The following ZNF536 variants were observed in gnomAD, a reference collection of about 807,000 sequenced individuals.
ZNF536 encodes zinc finger protein 536.
Under a neutral mutation model 84.5 loss-of-function variants are expected in ZNF536, and 13 were observed. The observed-to-expected ratio is 0.15, with a 90% confidence interval of 0.10 to 0.24. ZNF536 has a LOEUF of 0.24. Ranked by LOEUF, ZNF536 falls within the 10% of genes least tolerant of loss-of-function variation. ZNF536 has a pLI of 1.00. For synonymous variants in ZNF536, 811 were observed against 742.5 expected, an observed-to-expected ratio of 1.09 and a Z score of -1.50; for missense variants, 1,536 against 1,747.5, an observed-to-expected ratio of 0.88 and a Z score of 2.16.
At chr19:30,475,073 A>G (rs1978722) in intron 2 of ZNF536, among the ~76,000 whole-genome samples, 42,353 of 151,678 alleles carry the variant, frequency 0.28, 8,340 homozygotes, top group African/African-American at 0.53. Flanking sequence ...TTTTTGCGTT[A>G]TTGTTGTTGT....
chr19:30,566,072 G>C (rs2046336012), intron 1 of ZNF536, among the ~76,000 whole-genome samples: 1 of 152,128 alleles, frequency 6.6e-6, no homozygotes, highest in African/African-American at 2.4e-5. Flanking sequence ...AGCAGTCGTG[G>C]AATAAAGAAA....
At chr19:30,630,942 A>C (rs1162596911) in intron 1 of ZNF536, among the ~76,000 whole-genome samples, 1 of 152,200 alleles carries the variant, frequency 6.6e-6, no homozygotes, top group Non-Finnish European at 1.5e-5. Context: ...AAATCCTAAA[A>C]AATTCAGTGG....
chr19:30,691,136 C>CCCAA (rs1167963301), intron 1 of ZNF536, among the ~76,000 whole-genome samples: 1 of 151,990 alleles, frequency 6.6e-6, no homozygotes, highest in Non-Finnish European at 1.5e-5. Context: ...AACAAAATCT[C>CCCAA]CAAGATCTTT....
intron 1 of ZNF536, among the ~76,000 whole-genome samples, chr19:30,404,780 C>T (rs2050198454): frequency 6.6e-6 from 1 of 152,064 alleles, no homozygotes. Flanking sequence ...AGCTGGGTGT[C>T]CCCAATTCAA....
At chr19:30,517,634 A>G (rs571721885) in intron 2 of ZNF536, among the ~76,000 whole-genome samples, 2 of 152,236 alleles carry the variant, frequency 1.3e-5, no homozygotes, top group Admixed American at 1.3e-4. Flanking sequence ...AAAAATTTAC[A>G]AAATTAGCTG....
chr19:30,415,595 GTCA>G (rs35189422), intron 1 of ZNF536, among the ~76,000 whole-genome samples: 15 of 150,118 alleles, frequency 1.0e-4, no homozygotes, highest in South Asian at 2.1e-4. Flanking sequence ...CATCGTCATC[GTCA>G]TCATCATCAT....
intron 2 of ZNF536, among the ~76,000 whole-genome samples, chr19:30,494,250 G>A (rs2054623966): frequency 6.6e-6 from 1 of 152,166 alleles, no homozygotes; most frequent in African/African-American, 2.4e-5. Flanking sequence ...TAGGCCCCTG[G>A]GATGAGAAGT....
intron 1 of ZNF536, among the ~76,000 whole-genome samples, chr19:30,278,538 A>C (rs999691635): frequency 6.6e-6 from 1 of 152,160 alleles, no homozygotes; most frequent in Non-Finnish European, 1.5e-5. Context: ...CAAGGCCCCA[A>C]GATGTCAGGG....
intron 1 of ZNF536, among the ~76,000 whole-genome samples, chr19:30,281,373 C>T (rs1315637336): frequency 6.6e-6 from 1 of 152,204 alleles, no homozygotes; most frequent in Non-Finnish European, 1.5e-5. Context: ...CACTTCTGTG[C>T]CCCTTCCTGG....
At chr19:30,494,710 C>T (rs1183640013) in intron 2 of ZNF536, among the ~76,000 whole-genome samples, 2 of 152,046 alleles carry the variant, frequency 1.3e-5, no homozygotes, top group East Asian at 3.9e-4. Flanking sequence ...CTTTGGGAGG[C>T]TAAGGTGGGC....
intron 3 of ZNF536, among the ~76,000 whole-genome samples, chr19:30,355,264 G>T (rs2048056038): frequency 6.6e-6 from 1 of 152,096 alleles, no homozygotes; most frequent in South Asian, 2.1e-4. Flanking sequence ...GAGGGAAGGG[G>T]TGGGGGAGGT....
chr19:30,414,647 T>C (rs941610200), intron 1 of ZNF536, among the ~76,000 whole-genome samples: 4 of 152,218 alleles, frequency 2.6e-5, no homozygotes, highest in African/African-American at 9.6e-5. Flanking sequence ...CAGCCCCATG[T>C]CCTTTGCCTT....
chr19:30,289,620 G>T (rs1409435990), intron 2 of ZNF536, among the ~76,000 whole-genome samples: 1 of 152,196 alleles, frequency 6.6e-6, no homozygotes, highest in Non-Finnish European at 1.5e-5. Flanking sequence ...CTGTGTCTAT[G>T]CCTGGATGAT....
intron 3 of ZNF536, among the ~76,000 whole-genome samples, chr19:30,539,243 T>C (rs1249241858): frequency 6.6e-6 from 1 of 152,104 alleles, no homozygotes; most frequent in Non-Finnish European, 1.5e-5. Context: ...GGAGAGCTGA[T>C]GGTGTAAATT....
At chr19:30,418,378 G>T (rs2050820174) in intron 1 of ZNF536, among the ~76,000 whole-genome samples, 1 of 152,128 alleles carries the variant, frequency 6.6e-6, no homozygotes, top group Non-Finnish European at 1.5e-5. Context: ...GGTGCAGCAT[G>T]GATGACAGGA....
intron 1 of ZNF536, among the ~76,000 whole-genome samples, chr19:30,384,240 T>C (rs1346939166): frequency 4.3e-5 from 2 of 46,012 alleles, no homozygotes; most frequent in Non-Finnish European, 7.5e-5. Context: ...CCCTTCCTTC[T>C]TTCCTCCCTC....
At chr19:30,264,682 G>C (rs1243039797) in intron 1 of ZNF536, among the ~76,000 whole-genome samples, 1 of 152,090 alleles carries the variant, frequency 6.6e-6, no homozygotes, top group African/African-American at 2.4e-5. Context: ...CCCCAGTCTG[G>C]TGAGCACGTC....
At chr19:30,425,335 C>T (rs2051166195) in intron 1 of ZNF536, among the ~76,000 whole-genome samples, 1 of 151,926 alleles carries the variant, frequency 6.6e-6, no homozygotes, top group Non-Finnish European at 1.5e-5. Flanking sequence ...CAGGGGGTGT[C>T]TGGAAGGGAG....
At chr19:30,450,849 C>T (rs1330543362) in intron 2 of ZNF536, among the ~76,000 whole-genome samples, 2 of 151,976 alleles carry the variant, frequency 1.3e-5, no homozygotes, top group East Asian at 3.9e-4. Flanking sequence ...CTGCCCCCAG[C>T]CCACCCCAAC....
Sources: gnomAD v4.1 joint callset for allele counts (sites outside exome capture counted in the v4.1 genomes callset) on GRCh38, gnomAD v4.1.1 for gene constraint, MANE v1.5 for transcripts, NCBI Gene and HGNC (gene_info 2026-07-23, HGNC 2026-07-21) for gene names.